The following RGS17 variants were observed in gnomAD, a reference collection of about 807,000 sequenced individuals.
RGS17 encodes regulator of G protein signaling 17, also known as regulator of G-protein signaling 17.
Under a neutral mutation model 25.5 loss-of-function variants are expected in RGS17, and 12 were observed. The ratio of observed to expected loss-of-function variants is 0.47; its 90% CI spans 0.30 to 0.76. The LOEUF (loss-of-function observed/expected upper bound fraction) is 0.76, where lower values mean the gene tolerates loss of function less well. Ranked by LOEUF, RGS17 falls within the 30% of genes least tolerant of loss-of-function variation. The pLI is 0.07. For missense variants in RGS17, 196 were observed against 242.2 expected, an observed-to-expected ratio of 0.81 and a Z score of 1.27; for synonymous variants, 71 against 76.9, an observed-to-expected ratio of 0.92 and a Z score of 0.40.
At chr6:153,028,846 C>A (rs1040041786) in intron 2 of RGS17, among the ~76,000 whole-genome samples, 9 of 152,164 alleles carry the variant, frequency 5.9e-5, no homozygotes, top group African/African-American at 2.2e-4. Context: ...TACATTTCCA[C>A]ACAGTGTTCT....
chr6:153,028,718 T>C (rs1032400695), intron 2 of RGS17, among the ~76,000 whole-genome samples: 8 of 152,200 alleles, frequency 5.3e-5, no homozygotes, highest in Admixed American at 2.0e-4. Flanking sequence ...ACTCATTCTG[T>C]CAACCTTTAT....
intron 3 of RGS17, among the ~76,000 whole-genome samples, chr6:153,025,229 C>T (rs1584122195): frequency 6.6e-6 from 1 of 151,804 alleles, no homozygotes; most frequent in Non-Finnish European, 1.5e-5. Flanking sequence ...AGGAGAATCA[C>T]TTGAGACAGG....
intron 4 of RGS17, among the ~76,000 whole-genome samples, chr6:153,015,747 G>A (rs1779175853): frequency 1.3e-5 from 2 of 151,482 alleles, no homozygotes; most frequent in Admixed American, 6.6e-5. Flanking sequence ...TCCGCCTCCC[G>A]GGTTCACGCC....
intron 1 of RGS17, among the ~76,000 whole-genome samples, chr6:153,091,330 GT>G (rs1489058944): frequency 6.6e-6 from 1 of 152,152 alleles, no homozygotes; most frequent in Non-Finnish European, 1.5e-5. Flanking sequence ...ATAATGGCTA[GT>G]TTGGAGAACC....
chr6:153,095,285 C>T (rs1171465392), intron 1 of RGS17, among the ~76,000 whole-genome samples: 3 of 152,142 alleles, frequency 2.0e-5, no homozygotes, highest in African/African-American at 7.2e-5. Flanking sequence ...TCTATTAAAA[C>T]ATTTAAGTGT....
Position 153,004,961 on chromosome 6 carries a change from C to T in RGS17, c.*6613G>A, listed in dbSNP as rs1779058446. The stretch of plus-strand genomic sequence containing the variant: ...ATGAACATGGTAGTAAAAAATTATA[C>T]ACATTCGATATGTAATTTTACAAAA... On this transcript the variant is annotated 3_prime_UTR_variant, in exon 5 of 5. Transcript: ENST00000206262. 2.0e-5 allele frequency: 3 copies of T among 152,126 alleles called. No individual in the cohort carries two copies. Among genetic ancestry groups the T allele is most frequent in the African/African-American group, 4.8e-5 (2 of 41,428 alleles). The allele number at this position is 152,126 out of a possible 1,614,324, so 9.4% of individuals were successfully genotyped here. A position where few individuals can be genotyped will look rare whatever the true frequency, so the allele number is the denominator to read the frequency against.
intron 1 of RGS17, among the ~76,000 whole-genome samples, chr6:153,067,861 G>A (rs1237201250): frequency 1.3e-5 from 2 of 152,046 alleles, no homozygotes; most frequent in East Asian, 3.9e-4. Context: ...CAGCTACCCT[G>A]AGCAAAAAGA....
chr6:153,025,146 C>CA (rs35138283), intron 3 of RGS17, among the ~76,000 whole-genome samples: 108,789 of 148,956 alleles, frequency 0.73, 39,923 homozygotes, highest in African/African-American at 0.83. Context: ...CCTGTCTCTG[C>CA]AAAAAAAAAA....
chr6:153,029,157 A>C (rs1298377139), intron 2 of RGS17, among the ~76,000 whole-genome samples: 1 of 152,272 alleles, frequency 6.6e-6, no homozygotes, highest in Non-Finnish European at 1.5e-5. Flanking sequence ...ACAGACATTC[A>C]GTAAATGTTT....
intron 1 of RGS17, among the ~76,000 whole-genome samples, chr6:153,077,460 G>A (rs567475436): frequency 6.6e-6 from 1 of 152,312 alleles, no homozygotes; most frequent in African/African-American, 2.4e-5. Context: ...TGATTAAGTA[G>A]GAGATGGCCT....
At chr6:153,082,508 T>G (rs1366065926) in intron 1 of RGS17, among the ~76,000 whole-genome samples, 1 of 152,182 alleles carries the variant, frequency 6.6e-6, no homozygotes, top group Non-Finnish European at 1.5e-5. Context: ...TCCAATGGTT[T>G]TATTTGAATT....
chr6:153,124,457 G>A (rs1584169392), intron 1 of RGS17, among the ~76,000 whole-genome samples: 1 of 152,158 alleles, frequency 6.6e-6, no homozygotes, highest in Admixed American at 6.5e-5. Flanking sequence ...ACCCCTTCAA[G>A]CCCTTATTGT....
intron 1 of RGS17, among the ~76,000 whole-genome samples, chr6:153,126,974 G>C (rs1212180352): frequency 6.6e-6 from 1 of 152,176 alleles, no homozygotes; most frequent in Non-Finnish European, 1.5e-5. Context: ...TTTGGCACCA[G>C]GGACCGGTTT....
At chr6:153,084,765 A>C (rs1777030197) in intron 1 of RGS17, among the ~76,000 whole-genome samples, 1 of 152,190 alleles carries the variant, frequency 6.6e-6, no homozygotes, top group African/African-American at 2.4e-5. Flanking sequence ...CTTTGACCAG[A>C]GTGGCCAAAA....
intron 2 of RGS17, among the ~76,000 whole-genome samples, chr6:153,032,837 C>T (rs915631955): frequency 2.6e-5 from 4 of 152,202 alleles, no homozygotes; most frequent in Non-Finnish European, 5.9e-5. Context: ...CTGTTATTAA[C>T]ATTGTCATTA....
Position 153,024,454 on chromosome 6 carries a change from A to C in RGS17, c.252T>G (p.Asn84Lys). ...TAEEVLSWSQNFDKMMKAPAG... is the reference protein window; with the variant it reads ...TAEEVLSWSQKFDKMMKAPAG... ...CTGGGGCCTTCATCATCTTGTCAAA[A>C]TTTTGAGACCAGGACAAGACTTCCT... The change falls in exon 4 of 5, where the codon AAT becomes AAG. Residue 84 changes from asparagine (N) to lysine (K), a missense_variant. This residue lies in a region of RGS17 where 179 missense variants were observed against 197.6 expected (regional missense o/e 0.91). Transcript: ENST00000206262. 6.2e-7 allele frequency: 1 copy of C among 1,614,154 alleles called. No individual in the cohort carries two copies. The highest frequency in any genetic ancestry group is 8.5e-7 in the Non-Finnish European group (1 of 1,180,000).
intron 1 of RGS17, among the ~76,000 whole-genome samples, chr6:153,108,693 T>C (rs73627264): frequency 0.027 from 2,384 of 87,346 alleles, 62 homozygotes; most frequent in African/African-American, 0.084. Flanking sequence ...TTTAAAACAA[T>C]TAAGGTGTAG....
intron 1 of RGS17, among the ~76,000 whole-genome samples, chr6:153,072,165 G>A (rs1776813444): frequency 6.6e-6 from 1 of 152,088 alleles, no homozygotes; most frequent in Non-Finnish European, 1.5e-5. Context: ...TTGTCATGAA[G>A]AAGCAGAAAT....
At chr6:153,052,573 G>T (rs979918996) in intron 1 of RGS17, among the ~76,000 whole-genome samples, 1 of 151,812 alleles carries the variant, frequency 6.6e-6, no homozygotes, top group East Asian at 2.0e-4. Flanking sequence ...AGCTGGAGAG[G>T]AGTTCTGTCT....
Sources: allele counts gnomAD v4.1 joint callset (sites outside exome capture counted in the v4.1 genomes callset), GRCh38; gene constraint gnomAD v4.1.1; regional missense constraint gnomAD v4.1.1; transcripts MANE v1.5; gene names NCBI Gene and HGNC (gene_info 2026-07-23, HGNC 2026-07-21).